Variants in ABR observed in about 807,000 individuals in gnomAD.
ABR encodes the protein active breakpoint cluster region-related protein.
In ABR, 35 loss-of-function variants were observed where a neutral mutation model predicts 107.2. The observed-to-expected ratio is 0.33, with a 90% confidence interval of 0.25 to 0.43. The LOEUF is 0.43. ABR is among the 20% of genes least tolerant of loss of function. The pLI, the probability that ABR is intolerant of heterozygous loss-of-function variation, is 1.00. For synonymous variants in ABR, 498 were observed against 462.0 expected (o/e 1.08, Z -1.00); for missense variants, 815 against 1,115.2 (o/e 0.73, Z 3.83).
intron 10 of ABR, among the ~76,000 whole-genome samples, chr17:1,064,081 A>G (rs1434012727): frequency 7.5e-6 from 1 of 133,852 alleles, no homozygotes; most frequent in Non-Finnish European, 1.6e-5. Flanking sequence ...TGTTACGTGA[A>G]CTGAGGGCTA....
At chr17:1,152,287 A>G (rs76296184) in intron 1 of ABR, among the ~76,000 whole-genome samples, 1 of 145,674 alleles carries the variant, frequency 6.9e-6, no homozygotes, top group African/African-American at 2.5e-5. Context: ...TGTCTCAAAA[A>G]AAAAAAAAAA....
At chr17:1,057,934 A>T in intron 12 of ABR, 36 bp downstream of exon 12, 1 of 1,572,270 alleles carries the variant, frequency 6.4e-7, no homozygotes, top group Non-Finnish European at 8.8e-7. Flanking sequence ...AATGCCACGG[A>T]CATCATTGGG....
chr17:1,136,480 C>T (rs1344422905), intron 1 of ABR, among the ~76,000 whole-genome samples: 2 of 152,172 alleles, frequency 1.3e-5, no homozygotes, highest in Admixed American at 6.5e-5. Context: ...CCACCCACCT[C>T]GGCCTCCCAC....
chr17:1,011,245 A>C lies in ABR; in HGVS notation c.2102-382T>G. ...TCACACGTAAAAGCATGTTCCGACA[A>C]AGCCTCAGCTTCTAGGCTGCACAGA... On this transcript the variant is annotated intron_variant, in intron 19 of 22. Transcript: ENST00000302538. The surrounding 1 kb of genome is among the most constrained non-coding windows in gnomAD (Gnocchi z 4.8). The C allele has an allele frequency of 4.2e-6, 1 of 235,746 alleles. No individual in the cohort carries two copies. The highest frequency in any genetic ancestry group is 8.5e-6 in the Non-Finnish European group (1 of 117,402). 14.6% of individuals were successfully genotyped at this position (235,746 alleles called of 1,614,324 possible).
At chr17:1,049,154 C>T (rs2032129878) in intron 16 of ABR, among the ~76,000 whole-genome samples, 2 of 152,110 alleles carry the variant, frequency 1.3e-5, no homozygotes, top group Admixed American at 1.3e-4. Context: ...GAGCCAAAAG[C>T]ACAGTTGAGG....
intron 1 of ABR, among the ~76,000 whole-genome samples, chr17:1,169,178 C>T (rs181754533): frequency 1.2e-4 from 19 of 152,344 alleles, no homozygotes; most frequent in African/African-American, 2.9e-4. Flanking sequence ...CCTGAGCTTC[C>T]GCCACGCAGG....
chr17:1,133,030 G>A (rs1485478956), intron 1 of ABR, among the ~76,000 whole-genome samples: 1 of 152,072 alleles, frequency 6.6e-6, no homozygotes, highest in Non-Finnish European at 1.5e-5. Context: ...ATCACCTGAG[G>A]TCAGGAGTTC....
chr17:1,104,596 G>T (rs2038121704), intron 2 of ABR, among the ~76,000 whole-genome samples: 1 of 152,218 alleles, frequency 6.6e-6, no homozygotes, highest in Non-Finnish European at 1.5e-5. Context: ...GGGGGTGGGG[G>T]TGGCCGTGCC....
chr17:1,213,091 A>G (rs2042934941), intron 1 of ABR, among the ~76,000 whole-genome samples: 1 of 152,196 alleles, frequency 6.6e-6, no homozygotes, highest in Non-Finnish European at 1.5e-5. Context: ...AAGATGTGGC[A>G]CTAAACAAGC....
chr17:1,036,385 A>ACTTT (rs2073177841), intron 16 of ABR, among the ~76,000 whole-genome samples: 1 of 152,112 alleles, frequency 6.6e-6, no homozygotes, highest in African/African-American at 2.4e-5. Flanking sequence ...TCTGCCAAGA[A>ACTTT]CACTCCCTCT....
intron 16 of ABR, among the ~76,000 whole-genome samples, chr17:1,022,231 G>A (rs1007214153): frequency 9.2e-5 from 14 of 152,264 alleles, no homozygotes; most frequent in Admixed American, 5.9e-4. Context: ...TGGAGGGGCC[G>A]CGGAGCCCAG....
At chr17:1,220,427 C>T (rs1407936094) in intron 1 of ABR, among the ~76,000 whole-genome samples, 2 of 152,190 alleles carry the variant, frequency 1.3e-5, no homozygotes, top group Admixed American at 6.5e-5. Flanking sequence ...GGAACAGGAT[C>T]GCTGCGGAAA....
chr17:1,197,716 C>T (rs2042596290), intron 1 of ABR, among the ~76,000 whole-genome samples: 2 of 151,492 alleles, frequency 1.3e-5, no homozygotes, highest in South Asian at 4.1e-4. Context: ...AGGCTGGTCC[C>T]CTGAGTCTTG....
At chr17:1,018,317 C>T (rs1220750807) in intron 16 of ABR, among the ~76,000 whole-genome samples, 3 of 152,196 alleles carry the variant, frequency 2.0e-5, no homozygotes, top group African/African-American at 4.8e-5. Flanking sequence ...GCTGGGATTA[C>T]GGGCGTGAGC....
At chr17:1,193,383 C>T (rs1460085346) in intron 1 of ABR, among the ~76,000 whole-genome samples, 1 of 152,114 alleles carries the variant, frequency 6.6e-6, no homozygotes, top group East Asian at 1.9e-4. Flanking sequence ...GTTCTAGGCA[C>T]CCTGTTAAGC....
chr17:1,078,898 G>C lies in ABR; in HGVS notation c.700+432C>G. On this transcript the variant is annotated intron_variant, in intron 6 of 22. Transcript: ENST00000302538. The surrounding 1 kb of genome is among the most constrained non-coding windows in gnomAD (Gnocchi z 7.5). ...CCCGCGGCGGGAGCGTGCAGCCATC[G>C]CTCCAGGCTCCCCGGCGCCCACCAG... 1 of 1,534,764 alleles carries C rather than the reference G, an allele frequency of 6.5e-7. No homozygotes were observed. The highest frequency in any genetic ancestry group is 1.2e-5 in the South Asian group (1 of 83,992).
At chr17:1,175,969 C>T (rs1426445097) in intron 1 of ABR, among the ~76,000 whole-genome samples, 3 of 151,916 alleles carry the variant, frequency 2.0e-5, no homozygotes, top group Non-Finnish European at 2.9e-5. Flanking sequence ...CGGGCGCCTG[C>T]AGTCCCAGCT....
rs2069894193 is a variant in ABR, at chr17:1,004,680, C to G, written c.*1400G>C. The G allele has an allele frequency of 4.8e-6, 1 of 209,698 alleles. No individual in the cohort carries two copies. The allele number at this position is 209,698 out of a possible 1,614,324, so 13.0% of individuals were successfully genotyped here. On this transcript the variant is annotated 3_prime_UTR_variant, in exon 23 of 23. Coordinates refer to ENST00000302538, the MANE Select transcript of ABR (RefSeq NM_021962.5). ...CGTCTGCAAGTCGGGTCCCTGCTCCCTGGCGGGTGCCTACAGCACCAACAA... is the reference window on the plus strand; with the variant it reads ...CGTCTGCAAGTCGGGTCCCTGCTCCGTGGCGGGTGCCTACAGCACCAACAA...
chr17:1,178,710 CG>C (rs1329761204), intron 1 of ABR, among the ~76,000 whole-genome samples: 3 of 152,100 alleles, frequency 2.0e-5, no homozygotes, highest in Non-Finnish European at 4.4e-5. Context: ...GTCCCACTCA[CG>C]TGGGCCAGGA....
Sources: gnomAD v4.1 joint callset for allele counts (sites outside exome capture counted in the v4.1 genomes callset) on GRCh38, gnomAD v4.1.1 for gene constraint, Gnocchi (gnomAD v3.1) non-coding constraint, MANE v1.5 for transcripts, NCBI Gene and HGNC (gene_info 2026-07-23, HGNC 2026-07-21) for gene names.